Variants in LRP1B observed in about 807,000 individuals in gnomAD.
LRP1B encodes low-density lipoprotein receptor-related protein 1B.
A neutral mutation model predicts 556.6 loss-of-function variants in LRP1B; 217 were observed. The observed-to-expected ratio is 0.39, with a 90% CI of 0.35 to 0.44. LRP1B has a LOEUF of 0.44. LRP1B is among the 20% of genes least tolerant of loss of function. The pLI is 1.00. For synonymous variants in LRP1B, 2,047 were observed against 1,865.8 expected (o/e 1.10, Z -2.50); for missense variants, 5,053 against 5,620.8 (o/e 0.90, Z 3.23).
chr2:140,537,188 T>C (rs951300317), intron 45 of LRP1B, among the ~76,000 whole-genome samples: 1 of 137,904 alleles, frequency 7.3e-6, no homozygotes. Flanking sequence ...TAATTATTAT[T>C]ATATATAAGA....
intron 1 of LRP1B, among the ~76,000 whole-genome samples, chr2:142,083,894 A>G (rs1705812636): frequency 6.6e-6 from 1 of 152,184 alleles, no homozygotes; most frequent in Non-Finnish European, 1.5e-5. Context: ...TTATAAAGAC[A>G]TTGTGAAAAC....
rs28374457 is a variant in LRP1B, at chr2:140,483,595, T to C, written c.9425+1748A>G. On this transcript the variant is annotated intron_variant, in intron 59 of 90. Transcript: ENST00000389484. ...ATATATATGTACACACACATATATA[T>C]AGACACACACACACACACACATATA... 6.7e-5 allele frequency among the ~76,000 whole-genome samples: 9 copies of C among 133,802 alleles called. 1 individual carries two copies. The highest frequency in any genetic ancestry group is 2.5e-4 in the African/African-American group (9 of 35,870). 87.8% of individuals were successfully genotyped at this position (133,802 alleles called of 152,430 possible). A position where few individuals can be genotyped will look rare whatever the true frequency, so the allele number is the denominator to read the frequency against.
intron 15 of LRP1B, among the ~76,000 whole-genome samples, chr2:140,999,515 C>T (rs902636389): frequency 1.5e-4 from 23 of 152,066 alleles, no homozygotes; most frequent in Non-Finnish European, 2.6e-4. Flanking sequence ...TGGTAAACAA[C>T]ATTGTATATA....
In LRP1B at chr2:140,700,453, C is replaced by T; in HGVS notation, c.6596G>A (p.Ser2199Asn). 1 of 1,613,302 alleles carries T rather than the reference C, an allele frequency of 6.2e-7. No homozygotes were observed. The highest frequency in any genetic ancestry group is 1.1e-5 in the South Asian group (1 of 91,054). ...LLYSGRTILK[S>N]IHLSDETNLN... ...ATTGGTTTCATCAGAAAGATGTATACTTTTTAATATTGTTCTTCCTGAATA... is the reference window on the plus strand; with the variant it reads ...ATTGGTTTCATCAGAAAGATGTATATTTTTTAATATTGTTCTTCCTGAATA... Residue 2199 changes from serine to asparagine, a missense_variant, in exon 41 of 91, where the codon AGT becomes AAT. Coordinates refer to ENST00000389484, the MANE Select transcript of LRP1B (RefSeq NM_018557.3).
chr2:141,863,334 G>A (rs758988037), intron 1 of LRP1B, among the ~76,000 whole-genome samples: 6 of 152,134 alleles, frequency 3.9e-5, no homozygotes, highest in South Asian at 2.1e-4. Flanking sequence ...TTGTGGTGGC[G>A]AACCAATAAT....
Position 140,252,087 on chromosome 2 carries a change from A to AAAAAAC in LRP1B, c.13248-4926_13248-4925insGTTTTT, listed in dbSNP as rs1170506845. On this transcript the variant is annotated intron_variant, in intron 86 of 90. Transcript: ENST00000389484. ...CAAAAAAAAAAAAAAAAAAAAAAAA[A>AAAAAAC]AACCCAAAAAACAAAAAAAAACAGA... Among the ~76,000 whole-genome samples the AAAAAAC allele has an allele frequency of 1.2e-4, 13 of 111,676 alleles. 2 individuals are homozygous for AAAAAAC. Among genetic ancestry groups the AAAAAAC allele is most frequent in the East Asian group, 6.0e-4 (2 of 3,344 alleles). The allele number at this position is 111,676 out of a possible 152,430, so 73.3% of individuals were successfully genotyped here.
At chr2:140,954,327 G>A (rs1032002142) in intron 18 of LRP1B, among the ~76,000 whole-genome samples, 1 of 152,044 alleles carries the variant, frequency 6.6e-6, no homozygotes, top group Non-Finnish European at 1.5e-5. Context: ...CTCAAGTTTT[G>A]GTTCAAATGA....
intron 2 of LRP1B, among the ~76,000 whole-genome samples, chr2:141,787,101 G>A (rs1695453278): frequency 6.6e-6 from 1 of 151,854 alleles, no homozygotes; most frequent in South Asian, 2.1e-4. Flanking sequence ...TCAAGTGCTG[G>A]TAAAGATGCA....
At chr2:141,364,294 C>CACAT (rs869084166) in intron 3 of LRP1B, among the ~76,000 whole-genome samples, 1 of 149,970 alleles carries the variant, frequency 6.7e-6, no homozygotes, top group African/African-American at 2.5e-5. Flanking sequence ...CACACACACA[C>CACAT]GCAAACACAC....
At chr2:140,377,828 G>A (rs1313016538) in intron 68 of LRP1B, among the ~76,000 whole-genome samples, 1 of 152,114 alleles carries the variant, frequency 6.6e-6, no homozygotes, top group Non-Finnish European at 1.5e-5. Flanking sequence ...TGTTTAAAAT[G>A]CATAAAAATA....
intron 66 of LRP1B, among the ~76,000 whole-genome samples, chr2:140,431,574 C>T (rs1396086987): frequency 2.0e-5 from 3 of 152,318 alleles, no homozygotes; most frequent in East Asian, 3.9e-4. Flanking sequence ...AACTGCCACT[C>T]TTAACTCTTA....
chr2:141,076,299 G>A (rs1222660610), intron 7 of LRP1B, among the ~76,000 whole-genome samples: 1 of 152,160 alleles, frequency 6.6e-6, no homozygotes. Context: ...ACCAGGATGA[G>A]CTTCAGGGGT....
chr2:140,814,128 C>T (rs1048920822), intron 31 of LRP1B, among the ~76,000 whole-genome samples: 3 of 152,088 alleles, frequency 2.0e-5, no homozygotes, highest in Non-Finnish European at 2.9e-5. Context: ...ATGTGCACCA[C>T]TATGCCCAGC....
intron 2 of LRP1B, among the ~76,000 whole-genome samples, chr2:141,573,400 C>A (rs10928112): frequency 0.39 from 59,860 of 151,784 alleles, 12,242 homozygotes; most frequent in East Asian, 0.67. Context: ...AACCAATGAG[C>A]ATAAAGAGAC....
intron 7 of LRP1B, among the ~76,000 whole-genome samples, chr2:141,153,313 ATT>A (rs1239736769): frequency 1.3e-4 from 16 of 120,718 alleles, no homozygotes; most frequent in African/African-American, 3.9e-4. Flanking sequence ...TATTATATAT[ATT>A]AGCTATATAT....
intron 28 of LRP1B, among the ~76,000 whole-genome samples, 168 bp downstream of exon 28, chr2:140,851,484 G>A (rs182097928): frequency 3.3e-5 from 5 of 152,196 alleles, no homozygotes; most frequent in Admixed American, 3.3e-4. Context: ...CTTCCCCAGA[G>A]CAGATGAATC....
chr2:141,369,887 G>T (rs1689168092), intron 3 of LRP1B, among the ~76,000 whole-genome samples: 1 of 152,164 alleles, frequency 6.6e-6, no homozygotes, highest in Non-Finnish European at 1.5e-5. Flanking sequence ...AAAAGAACAT[G>T]CAGTATTTGA....
intron 32 of LRP1B, among the ~76,000 whole-genome samples, chr2:140,800,086 A>G (rs1461834472): frequency 6.6e-6 from 1 of 152,194 alleles, no homozygotes; most frequent in African/African-American, 2.4e-5. Context: ...GGATGAGTTC[A>G]TGTCCTTTGT....
At chr2:140,462,345 A>T (rs1687360156) in intron 60 of LRP1B, among the ~76,000 whole-genome samples, 1 of 152,204 alleles carries the variant, frequency 6.6e-6, no homozygotes, top group Admixed American at 6.5e-5. Context: ...ATATCTTTAA[A>T]TGATAGTTGC....
Sources: allele counts gnomAD v4.1 joint callset (sites outside exome capture counted in the v4.1 genomes callset), GRCh38; gene constraint gnomAD v4.1.1; transcripts MANE v1.5; gene names NCBI Gene and HGNC (gene_info 2026-07-23, HGNC 2026-07-21).